NCMAP: variants seen among roughly 807,000 people sequenced by gnomAD.
The protein encoded by NCMAP is non-compact myelin associated protein.
Under a neutral mutation model 7.8 loss-of-function variants are expected in NCMAP, and 8 were observed. The ratio of observed to expected loss-of-function variants is 1.02; its 90% CI spans 0.60 to 1.84. The LOEUF is 1.84. Among genes scored for constraint, NCMAP ranks in the 40% most tolerant of loss-of-function variants. NCMAP has a pLI of 0.00. For synonymous variants in NCMAP, 41 were observed against 52.9 expected (o/e 0.78, Z 0.98); for missense variants, 112 against 131.4 (o/e 0.85, Z 0.72).
chr1:24,590,756 C>T (rs577397292), intron 1 of NCMAP, among the ~76,000 whole-genome samples: 1 of 152,166 alleles, frequency 6.6e-6, no homozygotes, highest in Admixed American at 6.5e-5. Flanking sequence ...TACAGGCACA[C>T]ACCACCACCA....
chr1:24,558,670 G>C (rs1481577196), intron 1 of NCMAP, among the ~76,000 whole-genome samples: 1 of 152,184 alleles, frequency 6.6e-6, no homozygotes, highest in East Asian at 1.9e-4. Context: ...CAGGGTCATA[G>C]TGTGTTAGAG....
At chr1:24,559,887 C>T (rs1162437278) in intron 1 of NCMAP, among the ~76,000 whole-genome samples, 1 of 152,228 alleles carries the variant, frequency 6.6e-6, no homozygotes, top group Non-Finnish European at 1.5e-5. Flanking sequence ...TGTGGCCGGG[C>T]GCGGTGGCTC....
At position 24,605,987 on chromosome 1, in the gene NCMAP, T is replaced by C; in HGVS notation, c.*240T>C. 1.9e-6 allele frequency: 1 copy of C among 515,450 alleles called. No individual in the cohort carries two copies. Among genetic ancestry groups the C allele is most frequent in the Non-Finnish European group, 3.5e-6 (1 of 288,448 alleles). The allele number at this position is 515,450 out of a possible 1,614,324, so 31.9% of individuals were successfully genotyped here. On this transcript the variant is annotated 3_prime_UTR_variant, in exon 4 of 4. Transcript: ENST00000374392. ...AGCTGCAGAACATTCTTTTGTCATC[T>C]GATGAGGTAGAGCTATGTTGGGAAT...
chr1:24,567,990 C>T (rs1651278333), intron 1 of NCMAP, among the ~76,000 whole-genome samples: 1 of 151,984 alleles, frequency 6.6e-6, no homozygotes, highest in Non-Finnish European at 1.5e-5. Context: ...GACGCCCTGG[C>T]CGTATTGGAA....
chr1:24,559,940 T>G (rs983480892), intron 1 of NCMAP, among the ~76,000 whole-genome samples: 2 of 152,094 alleles, frequency 1.3e-5, no homozygotes, highest in African/African-American at 4.8e-5. Flanking sequence ...GGCAGGTGGA[T>G]CACGAAGTCA....
At chr1:24,603,345 A>C (rs1359570527) in intron 3 of NCMAP, among the ~76,000 whole-genome samples, 1 of 151,862 alleles carries the variant, frequency 6.6e-6, no homozygotes, top group African/African-American at 2.4e-5. Context: ...ACATGTAATA[A>C]TAATAATAAC....
At position 24,609,070 on chromosome 1, in the gene NCMAP, A is replaced by G. The variant is rs1254120818; in HGVS notation, c.*3323A>G. 6.6e-6 allele frequency: 1 copy of G among 152,166 alleles called. No individual in the cohort carries two copies. Among genetic ancestry groups the G allele is most frequent in the Non-Finnish European group, 1.5e-5 (1 of 68,038 alleles). The allele number at this position is 152,166 out of a possible 1,614,324, so 9.4% of individuals were successfully genotyped here. A position where few individuals can be genotyped will look rare whatever the true frequency, so the allele number is the denominator to read the frequency against. ...GGATTTGAGTGTCTCGTTTTTGACTAATGAAGATGATTCAATAAACATCCT... is the reference window on the plus strand; with the variant it reads ...GGATTTGAGTGTCTCGTTTTTGACTGATGAAGATGATTCAATAAACATCCT... On this transcript the variant is annotated 3_prime_UTR_variant, in exon 4 of 4. Coordinates refer to ENST00000374392, the MANE Select transcript of NCMAP (RefSeq NM_001010980.5).
At chr1:24,574,019 G>A (rs1490822831) in intron 1 of NCMAP, among the ~76,000 whole-genome samples, 5 of 142,328 alleles carry the variant, frequency 3.5e-5, no homozygotes, top group South Asian at 2.1e-4. Flanking sequence ...GCTGGGATAC[G>A]CTCATCTCCT....
At chr1:24,597,460 C>T (rs1490943738) in intron 2 of NCMAP, among the ~76,000 whole-genome samples, 1 of 135,762 alleles carries the variant, frequency 7.4e-6, no homozygotes, top group African/African-American at 2.8e-5. Context: ...GCCGAGATCA[C>T]ACCACTGCAC....
At chr1:24,591,548 A>G (rs1028666730) in intron 1 of NCMAP, among the ~76,000 whole-genome samples, 1 of 152,234 alleles carries the variant, frequency 6.6e-6, no homozygotes, top group Non-Finnish European at 1.5e-5. Context: ...GATTACAGGC[A>G]TGAGTCACCG....
chr1:24,585,639 A>G (rs1651860758), intron 1 of NCMAP, among the ~76,000 whole-genome samples: 1 of 152,202 alleles, frequency 6.6e-6, no homozygotes, highest in African/African-American at 2.4e-5. Context: ...TTCCAGGATC[A>G]GGTAGCAAAT....
At chr1:24,596,140 G>C (rs760642210) in intron 2 of NCMAP, among the ~76,000 whole-genome samples, 1 of 152,070 alleles carries the variant, frequency 6.6e-6, no homozygotes, top group Non-Finnish European at 1.5e-5. Flanking sequence ...AGATTAGCTG[G>C]GCATGGTGGT....
intron 1 of NCMAP, among the ~76,000 whole-genome samples, chr1:24,565,761 C>A (rs1651211554): frequency 1.4e-5 from 2 of 147,962 alleles, no homozygotes; most frequent in African/African-American, 2.6e-5. Context: ...TCATGCCTGG[C>A]TAATTTTTGC....
Position 24,584,482 on chromosome 1 carries a change from G to T in NCMAP, c.-7-10942G>T, listed in dbSNP as rs556851949. ...GGAGTCCCCTTTTCTTACAATGTGG[G>T]TCACAAAAATCAGAGCAAAGGACAT... On this transcript the variant is annotated intron_variant, in intron 1 of 3. Transcript: ENST00000374392. 2.6e-5 allele frequency among the ~76,000 whole-genome samples: 4 copies of T among 152,304 alleles called. No individual in the cohort carries two copies. The East Asian group carries it at 5.8e-4, about 22-fold the overall frequency.
rs1651452136 is a variant in NCMAP at position 24,573,618 on chromosome 1, AAAAC to A, written c.-8+17453_-8+17456del. Among the ~76,000 whole-genome samples, 3 of 149,810 alleles carry A rather than the reference AAAAC, an allele frequency of 2.0e-5. No homozygotes were observed. The South Asian group carries it at 6.2e-4, about 31-fold the overall frequency. ...CAAAAAAGAAACAAAAACAAAAACAAAAACAAAAACTTGACTGGACTGAGAAACC... is the reference window on the plus strand; with the variant it reads ...CAAAAAAGAAACAAAAACAAAAACAAAAAAACTTGACTGGACTGAGAAACC... On this transcript the variant is annotated intron_variant, in intron 1 of 3. Transcript: ENST00000374392.
intron 2 of NCMAP, among the ~76,000 whole-genome samples, chr1:24,597,412 G>T: frequency 6.7e-6 from 1 of 150,140 alleles, no homozygotes. Context: ...GCTGAGGCAT[G>T]AGAATCGCCT....
intron 2 of NCMAP, 119 bp downstream of exon 2, chr1:24,595,631 C>A: frequency 1.5e-6 from 1 of 688,448 alleles, no homozygotes; most frequent in Non-Finnish European, 2.5e-6. Context: ...AGGCCCAGTT[C>A]TGCCACGTGC....
chr1:24,562,311 A>G (rs1041253074), intron 1 of NCMAP, among the ~76,000 whole-genome samples: 3 of 152,234 alleles, frequency 2.0e-5, no homozygotes, highest in Admixed American at 6.5e-5. Flanking sequence ...TTGTCTCCTG[A>G]TAAGCCTCAG....
rs1347679887 is a variant in NCMAP at position 24,607,755 on chromosome 1, T to C, written c.*2008T>C. 3 of 152,284 alleles carry C rather than the reference T, an allele frequency of 2.0e-5. No homozygotes were observed. Among genetic ancestry groups the C allele is most frequent in the Non-Finnish European group, 4.4e-5 (3 of 68,126 alleles). The allele number at this position is 152,284 out of a possible 1,614,324, so 9.4% of individuals were successfully genotyped here. Reference sequence around the variant, plus strand: ...TGGCATGCACCTGTAATCCCACTACTAGGGAGGCTGTGGCATGAGAATCAC... The same window carrying C: ...TGGCATGCACCTGTAATCCCACTACCAGGGAGGCTGTGGCATGAGAATCAC... On this transcript the variant is annotated 3_prime_UTR_variant, in exon 4 of 4. Coordinates refer to ENST00000374392, the MANE Select transcript of NCMAP (RefSeq NM_001010980.5).
Sources: allele counts gnomAD v4.1 joint callset (sites outside exome capture counted in the v4.1 genomes callset), GRCh38; gene constraint gnomAD v4.1.1; transcripts MANE v1.5; gene names NCBI Gene and HGNC (gene_info 2026-07-23, HGNC 2026-07-21).